ANKS1A: variants seen among roughly 807,000 people sequenced by gnomAD.
ANKS1A encodes ankyrin repeat and SAM domain-containing protein 1A.
A neutral mutation model predicts 120.3 loss-of-function variants in ANKS1A; 55 were observed. That is an observed-to-expected ratio of 0.46 (90% confidence interval 0.37 to 0.57). The LOEUF (loss-of-function observed/expected upper bound fraction) is 0.57, where lower values mean the gene tolerates loss of function less well. Among genes scored for constraint, ANKS1A ranks in the 20% least tolerant of loss-of-function variants. The probability of loss-of-function intolerance (pLI) is 0.00; values close to 1 mark genes in which losing one functional copy is unlikely to be tolerated. For missense variants in ANKS1A, 1,123 were observed against 1,480.3 expected (o/e 0.76, Z 3.96); for synonymous variants, 590 against 604.7 (o/e 0.98, Z 0.36).
At chr6:34,924,888 TG>T (rs1419832551) in intron 1 of ANKS1A, among the ~76,000 whole-genome samples, 1 of 152,186 alleles carries the variant, frequency 6.6e-6, no homozygotes, top group Admixed American at 6.5e-5. Flanking sequence ...CCCGAAGTGC[TG>T]GGATTATAGG....
Position 35,090,628 on chromosome 6 carries a change from C to CCTTT in ANKS1A, c.*2028_*2031dup, listed in dbSNP as rs901037174. On this transcript the variant is annotated 3_prime_UTR_variant, in exon 24 of 24. Coordinates refer to ENST00000360359, the MANE Select transcript of ANKS1A (RefSeq NM_015245.3). ...TATTCAAGAAAGGAAAATGACTGGG[C>CCTTT]CTTTCTTTCTTTTCTTCTCCTCTGG... The CCTTT allele has an allele frequency of 1.0e-6, 1 of 991,174 alleles. No individual in the cohort carries two copies. Among genetic ancestry groups the CCTTT allele is most frequent in the African/African-American group, 1.7e-5 (1 of 57,224 alleles). 61.4% of individuals were successfully genotyped at this position (991,174 alleles called of 1,614,324 possible).
Position 34,899,245 on chromosome 6 carries a change from T to C in ANKS1A, c.197+9646T>C, listed in dbSNP as rs371386953. Among the ~76,000 whole-genome samples the C allele has an allele frequency of 2.0e-3, 308 of 152,326 alleles. 1 individual carries two copies. The highest frequency in any genetic ancestry group is 7.0e-3 in the African/African-American group (292 of 41,576). Reference sequence around the variant, plus strand: ...TTTGTGCAAGCCCAGGACTTTTTAATGGTTAACTTAAGGCTTTACTGGTTC... The same window carrying C: ...TTTGTGCAAGCCCAGGACTTTTTAACGGTTAACTTAAGGCTTTACTGGTTC... On this transcript the variant is annotated intron_variant, in intron 1 of 23. Coordinates refer to ENST00000360359, the MANE Select transcript of ANKS1A (RefSeq NM_015245.3).
chr6:35,067,816 G>A lies in ANKS1A; in HGVS notation c.2184+7563G>A, dbSNP rs529673875. Among the ~76,000 whole-genome samples, 683 of 151,474 alleles carry A rather than the reference G, an allele frequency of 4.5e-3. 7 individuals carry two copies. The highest frequency in any genetic ancestry group is 0.024 in the Middle Eastern group (7 of 288). ...CTTAGGAAGATAACACCGAACAGTG[G>A]CCTTATGTTTCCCCCTGAGGTGATA... On this transcript the variant is annotated intron_variant, in intron 13 of 23. Coordinates refer to ENST00000360359, the MANE Select transcript of ANKS1A (RefSeq NM_015245.3).
chr6:35,068,293 C>T (rs776707228), intron 13 of ANKS1A, among the ~76,000 whole-genome samples: 3 of 151,688 alleles, frequency 2.0e-5, no homozygotes, highest in South Asian at 4.2e-4. Flanking sequence ...AAATCCATCA[C>T]GTTCTTAGAG....
Position 34,994,425 on chromosome 6 carries a change from A to G in ANKS1A, c.1423+3A>G. The stretch of plus-strand genomic sequence containing the variant: ...GTTGGTGGATGGAAAAACAAAAGGT[A>G]CGTTCCCCACAACTCCTGGCAGAAC... On this transcript the variant is annotated splice_donor_region_variant and intron_variant, in intron 10 of 23. Transcript: ENST00000360359. 1 of 1,610,694 alleles carries G rather than the reference A, an allele frequency of 6.2e-7. No individual in the cohort carries two copies. Among genetic ancestry groups the G allele is most frequent in the East Asian group, 2.2e-5 (1 of 44,682 alleles).
At chr6:35,009,548 A>G (rs144671441) in intron 10 of ANKS1A, among the ~76,000 whole-genome samples, 1 of 152,106 alleles carries the variant, frequency 6.6e-6, no homozygotes, top group East Asian at 1.9e-4. Context: ...GTCTGATGAG[A>G]GATGTGAAGG....
At chr6:34,955,144 CTT>C (rs11341017) in intron 1 of ANKS1A, among the ~76,000 whole-genome samples, 112 of 146,260 alleles carry the variant, frequency 7.7e-4, no homozygotes, top group African/African-American at 2.7e-3. Context: ...CTTTTCTTTT[CTT>C]TTTTTTTTGA....
chr6:35,095,141 CAAAAAAA>C (rs34813964), downstream of ANKS1A, among the ~76,000 whole-genome samples: 3 of 81,240 alleles, frequency 3.7e-5, no homozygotes, highest in African/African-American at 9.5e-5. Context: ...ACCCCCATCT[CAAAAAAA>C]AAAAAAAAAA....
At chr6:34,971,441 T>C (rs532189456) in intron 3 of ANKS1A, among the ~76,000 whole-genome samples, 54 of 152,302 alleles carry the variant, frequency 3.5e-4, no homozygotes, top group Non-Finnish European at 6.3e-4. Context: ...GGGTTGGAAG[T>C]TGTGTGCAAG....
chr6:34,919,042 C>T (rs982518063), intron 1 of ANKS1A, among the ~76,000 whole-genome samples: 3 of 151,856 alleles, frequency 2.0e-5, no homozygotes, highest in Admixed American at 6.6e-5. Flanking sequence ...AGTAGAGACA[C>T]GGTTTCACCA....
downstream of ANKS1A, among the ~76,000 whole-genome samples, chr6:35,091,933 G>A (rs1778321994): frequency 1.3e-5 from 2 of 152,200 alleles, no homozygotes; most frequent in South Asian, 4.1e-4. Context: ...GAGAGGAAGG[G>A]GCAGGGTGCT....
intron 1 of ANKS1A, among the ~76,000 whole-genome samples, chr6:34,939,667 C>T (rs1161225583): frequency 6.6e-6 from 1 of 151,806 alleles, no homozygotes; most frequent in Non-Finnish European, 1.5e-5. Context: ...GAGCTATGAT[C>T]GTGCCACTGC....
chr6:34,915,845 A>T (rs1307240142), intron 1 of ANKS1A, among the ~76,000 whole-genome samples: 2 of 151,786 alleles, frequency 1.3e-5, no homozygotes, highest in African/African-American at 2.4e-5. Flanking sequence ...TTTGGGGTTC[A>T]CTCCTAGTTT....
downstream of ANKS1A, among the ~76,000 whole-genome samples, chr6:35,092,737 CTGTG>C (rs1179647068): frequency 6.6e-6 from 1 of 152,228 alleles, no homozygotes; most frequent in East Asian, 1.9e-4. Flanking sequence ...CATTCTGCCT[CTGTG>C]TGAGGCACAA....
chr6:35,017,303 G>T (rs1040295655), intron 10 of ANKS1A, among the ~76,000 whole-genome samples, 170 bp from the exon 11 acceptor site: 2 of 152,180 alleles, frequency 1.3e-5, no homozygotes, highest in African/African-American at 4.8e-5. Context: ...TATGAAAACT[G>T]TCTTCCTTCC....
At chr6:34,985,303 C>T in intron 8 of ANKS1A, 25 bp downstream of exon 8, 1 of 1,605,126 alleles carries the variant, frequency 6.2e-7, no homozygotes, top group Non-Finnish European at 8.5e-7. Context: ...GCTTACACCT[C>T]CTGGGGGCTG....
At chr6:35,029,500 C>G (rs1774792872) in intron 11 of ANKS1A, among the ~76,000 whole-genome samples, 1 of 151,520 alleles carries the variant, frequency 6.6e-6, no homozygotes, top group South Asian at 2.1e-4. Flanking sequence ...AGGCACCTGC[C>G]ACCACGCCCA....
intron 3 of ANKS1A, among the ~76,000 whole-genome samples, chr6:34,971,743 A>AG (rs1172369277): frequency 1.3e-5 from 2 of 152,108 alleles, no homozygotes; most frequent in African/African-American, 4.8e-5. Flanking sequence ...TTTGATTCTG[A>AG]GGGGGGCAGC....
chr6:34,995,816 T>C (rs912222280), intron 10 of ANKS1A, among the ~76,000 whole-genome samples: 1 of 152,198 alleles, frequency 6.6e-6, no homozygotes, highest in Non-Finnish European at 1.5e-5. Flanking sequence ...TGAGGGATAT[T>C]TGGGTCATTT....
Sources: gnomAD v4.1 joint callset for allele counts (sites outside exome capture counted in the v4.1 genomes callset) on GRCh38, gnomAD v4.1.1 for gene constraint, MANE v1.5 for transcripts, NCBI Gene and HGNC (gene_info 2026-07-23, HGNC 2026-07-21) for gene names.